CFAP20DC: variants seen among roughly 807,000 people sequenced by gnomAD.
The protein encoded by CFAP20DC is protein CFAP20DC.
In CFAP20DC, 84 loss-of-function variants were observed where a neutral mutation model predicts 101.7. That is an observed-to-expected ratio of 0.83 (90% CI 0.69 to 0.99). CFAP20DC has a LOEUF of 0.99. Ranked by LOEUF, CFAP20DC falls within the 50% of genes least tolerant of loss-of-function variation. The probability of loss-of-function intolerance (pLI) is 0.00; values close to 1 mark genes in which losing one functional copy is unlikely to be tolerated. For synonymous variants in CFAP20DC, 359 were observed against 351.2 expected, an observed-to-expected ratio of 1.02 and a Z score of -0.25; for missense variants, 1,007 against 970.3, an observed-to-expected ratio of 1.04 and a Z score of -0.50.
chr3:58,756,984 T>G (rs929804585), intron 15 of CFAP20DC, among the ~76,000 whole-genome samples: 1 of 152,114 alleles, frequency 6.6e-6, no homozygotes, highest in East Asian at 1.9e-4. Context: ...ATGTTTTCAA[T>G]GTTTTGCAAT....
intron 5 of CFAP20DC, among the ~76,000 whole-genome samples, chr3:58,930,703 T>C (rs965952739): frequency 6.6e-6 from 1 of 152,258 alleles, no homozygotes; most frequent in Non-Finnish European, 1.5e-5. Flanking sequence ...TATTTTTATG[T>C]TGTATTTTGG....
At chr3:58,906,332 G>A (rs2083583074) in intron 6 of CFAP20DC, among the ~76,000 whole-genome samples, 1 of 152,096 alleles carries the variant, frequency 6.6e-6, no homozygotes, top group African/African-American at 2.4e-5. Flanking sequence ...CCTTTTATGT[G>A]TAATTGTCTT....
rs997485842 is a variant in CFAP20DC at position 58,914,327 on chromosome 3, G to T, written c.394-463C>A. 1.3e-5 allele frequency among the ~76,000 whole-genome samples: 2 copies of T among 152,142 alleles called. No homozygotes were observed. The highest frequency in any genetic ancestry group is 3.8e-4 in the East Asian group (2 of 5,202). On this transcript the variant is annotated intron_variant, in intron 5 of 16. Transcript: ENST00000482387. This position sits in a 1 kb window ranked among gnomAD's most constrained non-coding sequence, Gnocchi z 4.9. ...CTGGGTTTAAATTATGGTCAGTGCTGTCTACTTATAACCAATTAACCTATT... is the reference window on the plus strand; with the variant it reads ...CTGGGTTTAAATTATGGTCAGTGCTTTCTACTTATAACCAATTAACCTATT...
chr3:58,737,949 T>A (rs927383910), downstream of CFAP20DC, among the ~76,000 whole-genome samples: 3 of 152,218 alleles, frequency 2.0e-5, no homozygotes, highest in African/African-American at 7.2e-5. The surrounding 1 kb of genome is among the most constrained non-coding windows in gnomAD (Gnocchi z 4.1). Context: ...TCAATCTGAA[T>A]CTCACTTTTC....
chr3:58,852,536 A>AT (rs1432261939), intron 12 of CFAP20DC, among the ~76,000 whole-genome samples: 1 of 151,984 alleles, frequency 6.6e-6, no homozygotes, highest in African/African-American at 2.4e-5. Flanking sequence ...CAGAATACAC[A>AT]TTTTTTTCAG....
chr3:58,927,553 A>G (rs914131384), intron 5 of CFAP20DC, among the ~76,000 whole-genome samples: 2 of 152,230 alleles, frequency 1.3e-5, no homozygotes, highest in Non-Finnish European at 1.5e-5. Context: ...GGCAGGTTCA[A>G]TGTTGAGAAA....
At chr3:58,919,235 G>C (rs1291787279) in intron 5 of CFAP20DC, among the ~76,000 whole-genome samples, 1 of 152,124 alleles carries the variant, frequency 6.6e-6, no homozygotes, top group Non-Finnish European at 1.5e-5. Context: ...TAAGGCTCAT[G>C]AGTGTTGTGT....
intron 6 of CFAP20DC, among the ~76,000 whole-genome samples, chr3:58,893,024 A>G (rs946867152): frequency 7.4e-5 from 11 of 149,564 alleles, no homozygotes; most frequent in Non-Finnish European, 1.2e-4. Context: ...TGGTTTATTG[A>G]GAGTTTTTAA....
Position 58,721,406 on chromosome 3 carries a change from ATAGGGTACC to A in CFAP20DC, c.198-3787_198-3779del, listed in dbSNP as rs11273397. ...ACATTTTTTAAAAATTACAACCATG[ATAGGGTACC>A]TAGTGCTATGAATATTTATTCCAGG... On this transcript the variant is annotated intron_variant, in intron 3 of 3. Transcript: ENST00000486145. The surrounding 1 kb of genome is among the most constrained non-coding windows in gnomAD (Gnocchi z 5.2). Among the ~76,000 whole-genome samples, 9,105 of 152,198 alleles carry A rather than the reference ATAGGGTACC, an allele frequency of 0.06. 524 individuals carry two copies. The highest frequency in any genetic ancestry group is 0.35 in the East Asian group (1,794 of 5,164).
Position 59,034,416 on chromosome 3 carries a change from C to T in CFAP20DC, c.278+5141G>A, listed in dbSNP as rs886534885. Among the ~76,000 whole-genome samples the T allele has an allele frequency of 2.0e-5, 3 of 152,146 alleles. No individual in the cohort carries two copies. In the South Asian group the frequency reaches 6.2e-4, roughly 32 times the overall value. On this transcript the variant is annotated intron_variant, in intron 4 of 16. Coordinates refer to ENST00000482387, the MANE Select transcript of CFAP20DC (RefSeq NM_001394063.1). The stretch of plus-strand genomic sequence containing the variant: ...CAGTCTGGCAAATTGGATGAAGAGT[C>T]AAGAACCATCAGTGTGCTGTATTCA...
rs1255568625 is a variant in CFAP20DC at position 58,817,946 on chromosome 3, C to T, written c.2176-11490G>A. Among the ~76,000 whole-genome samples, 74 of 150,542 alleles carry T rather than the reference C, an allele frequency of 4.9e-4. 1 individual carries two copies. Among genetic ancestry groups the T allele is most frequent in the Non-Finnish European group, 9.6e-4 (65 of 67,900 alleles). The stretch of plus-strand genomic sequence containing the variant: ...ATCAGACTAACAGCGGATCTCTCGG[C>T]AGAAACTCTACAAGCCAGAAGAGAG... On this transcript the variant is annotated intron_variant, in intron 14 of 16. Coordinates refer to ENST00000482387, the MANE Select transcript of CFAP20DC (RefSeq NM_001394063.1).
intron 6 of CFAP20DC, among the ~76,000 whole-genome samples, chr3:58,895,397 A>G (rs908607914): frequency 1.3e-5 from 2 of 152,194 alleles, no homozygotes; most frequent in African/African-American, 4.8e-5. Flanking sequence ...TCAAGGTCAA[A>G]GTTCCACAAA....
intron 15 of CFAP20DC, among the ~76,000 whole-genome samples, chr3:58,763,703 CA>C (rs1392646769): frequency 6.6e-6 from 1 of 152,188 alleles, no homozygotes; most frequent in East Asian, 1.9e-4. Context: ...TGGTGATGTA[CA>C]GATGAGGTTT....
intron 6 of CFAP20DC, among the ~76,000 whole-genome samples, chr3:58,907,236 C>G (rs147511065): frequency 1.3e-5 from 2 of 151,996 alleles, no homozygotes; most frequent in Non-Finnish European, 2.9e-5. Context: ...TGTCGGCAAC[C>G]TATGGTAGTC....
In CFAP20DC at chr3:58,913,858, T is replaced by G. The variant is rs2084402869; in HGVS notation, c.400A>C (p.Asn134His). Residue 134 changes from asparagine (N) to histidine (H), a missense_variant, in exon 6 of 17, where the codon AAT becomes CAT. Coordinates refer to ENST00000482387, the MANE Select transcript of CFAP20DC (RefSeq NM_001394063.1). The surrounding 1 kb of genome is among the most constrained non-coding windows in gnomAD (Gnocchi z 4.4). ...AATGCTACTAAGTCAATGCATAGAT[T>G]GCACCACTAAAATAGAGAGATGCAA... ...LFMIKRKIWC[N>H]LCIDLVAFTS... 3 of 1,613,428 alleles carry G rather than the reference T, an allele frequency of 1.9e-6. No individual in the cohort carries two copies. The highest frequency in any genetic ancestry group is 2.5e-6 in the Non-Finnish European group (3 of 1,179,678).
intron 13 of CFAP20DC, among the ~76,000 whole-genome samples, chr3:58,837,521 C>A (rs2076819963): frequency 6.6e-6 from 1 of 152,028 alleles, no homozygotes; most frequent in Admixed American, 6.5e-5. Flanking sequence ...TTTCTTGATC[C>A]AGAAAATGGT....
intron 4 of CFAP20DC, among the ~76,000 whole-genome samples, chr3:58,966,683 C>T (rs1237206971): frequency 2.6e-5 from 4 of 151,720 alleles, no homozygotes; most frequent in Non-Finnish European, 5.9e-5. Context: ...ACCACCATGC[C>T]TGGCTAATTT....
At position 58,864,822 on chromosome 3, in the gene CFAP20DC, C is replaced by T. The variant is rs2079540864; in HGVS notation, c.1259-930G>A. On this transcript the variant is annotated intron_variant, in intron 11 of 16. Transcript: ENST00000482387. This position sits in a 1 kb window ranked among gnomAD's most constrained non-coding sequence, Gnocchi z 4.7. ...GTGGATTCTGCTGGGTGAAAAAGGT[C>T]TTTAAGTTTACAAGAGACAATGTTT... 6.6e-6 allele frequency among the ~76,000 whole-genome samples: 1 copy of T among 152,124 alleles called. No individual in the cohort carries two copies. The highest frequency in any genetic ancestry group is 2.1e-4 in the South Asian group (1 of 4,826).
At chr3:58,981,269 T>C (rs2092531143) in intron 4 of CFAP20DC, among the ~76,000 whole-genome samples, 2 of 152,080 alleles carry the variant, frequency 1.3e-5, no homozygotes, top group Admixed American at 6.6e-5. Context: ...ATCGTGAAAA[T>C]GGCCATACTG....
Sources: gnomAD v4.1 joint callset for allele counts (sites outside exome capture counted in the v4.1 genomes callset) on GRCh38, gnomAD v4.1.1 for gene constraint, Gnocchi (gnomAD v3.1) non-coding constraint, MANE v1.5 for transcripts, NCBI Gene and HGNC (gene_info 2026-07-23, HGNC 2026-07-21) for gene names.